Variants in MVB12B observed in about 807,000 individuals in gnomAD.
MVB12B encodes multivesicular body subunit 12B.
Under a neutral mutation model 41.6 loss-of-function variants are expected in MVB12B, and 16 were observed. That is an observed-to-expected ratio of 0.38 (90% CI 0.26 to 0.58). The LOEUF is 0.58. Among genes scored for constraint, MVB12B ranks in the 20% least tolerant of loss-of-function variants. The probability of loss-of-function intolerance (pLI) is 0.62; values close to 1 mark genes in which losing one functional copy is unlikely to be tolerated. For missense variants in MVB12B, 274 were observed against 380.2 expected (o/e 0.72, Z 2.32); for synonymous variants, 133 against 139.7 (o/e 0.95, Z 0.34).
At chr9:126,440,934 T>C (rs1324906481) in intron 7 of MVB12B, among the ~76,000 whole-genome samples, 1 of 152,256 alleles carries the variant, frequency 6.6e-6, no homozygotes, top group East Asian at 1.9e-4. Context: ...AATGGTGTGC[T>C]GATTAGCATA....
rs143560543 is a variant in MVB12B, at chr9:126,433,664, C to T, written c.757+11716C>T. 4.0e-3 allele frequency among the ~76,000 whole-genome samples: 605 copies of T among 152,138 alleles called. 2 individuals are homozygous for T. Among genetic ancestry groups the T allele is most frequent in the African/African-American group, 0.014 (584 of 41,474 alleles). ...AAGCTTCATTCTCTAGATTGGGCCT[C>T]CTAAGAGCCAACTTCTCCTAAACCC... On this transcript the variant is annotated intron_variant, in intron 7 of 9. Coordinates refer to ENST00000361171, the MANE Select transcript of MVB12B (RefSeq NM_033446.3).
In MVB12B at chr9:126,480,356, C is replaced by T. The variant is rs1160974045; in HGVS notation, c.758-1013C>T. Among the ~76,000 whole-genome samples the T allele has an allele frequency of 2.0e-5, 3 of 152,194 alleles. No homozygotes were observed. The highest frequency in any genetic ancestry group is 4.4e-5 in the Non-Finnish European group (3 of 68,032). Reference sequence around the variant, plus strand: ...GCTGCCACGTTGGCTCTGTGAATGCCGGCATCACGTCTCGTCCAGTGTGAC... The same window carrying T: ...GCTGCCACGTTGGCTCTGTGAATGCTGGCATCACGTCTCGTCCAGTGTGAC... On this transcript the variant is annotated intron_variant, in intron 7 of 9. Coordinates refer to ENST00000361171, the MANE Select transcript of MVB12B (RefSeq NM_033446.3). The surrounding 1 kb of genome is among the most constrained non-coding windows in gnomAD (Gnocchi z 4.9).
chr9:126,503,328 C>A lies in MVB12B; in HGVS notation c.*65C>A, dbSNP rs1183149120. ...GACTACTGACGGCAGGGGCTGCTGC[C>A]CCCGCCTCCTCCTGCCGCCTCCGCC... On this transcript the variant is annotated 3_prime_UTR_variant, in exon 10 of 10. Transcript: ENST00000361171. 2.9e-6 allele frequency: 4 copies of A among 1,358,250 alleles called. No homozygotes were observed. In the South Asian group the frequency reaches 3.8e-5, roughly 13 times the overall value. The allele number at this position is 1,358,250 out of a possible 1,614,324, so 84.1% of individuals were successfully genotyped here. A position where few individuals can be genotyped will look rare whatever the true frequency, so the allele number is the denominator to read the frequency against.
chr9:126,476,327 G>GC (rs949113276), intron 7 of MVB12B, among the ~76,000 whole-genome samples: 2 of 152,184 alleles, frequency 1.3e-5, no homozygotes, highest in African/African-American at 4.8e-5. Flanking sequence ...TCCCCAGGGT[G>GC]CCCCAGAAGG....
chr9:126,381,736 GT>G (rs558687754), intron 3 of MVB12B, among the ~76,000 whole-genome samples: 1 of 150,000 alleles, frequency 6.7e-6, no homozygotes, highest in Non-Finnish European at 1.5e-5. Flanking sequence ...ACCTACTAAG[GT>G]TTTTTTTTTA....
intron 7 of MVB12B, among the ~76,000 whole-genome samples, chr9:126,479,610 T>C (rs947219727): frequency 6.6e-6 from 1 of 152,210 alleles, no homozygotes; most frequent in Non-Finnish European, 1.5e-5. Context: ...TCGGGACTTT[T>C]GTCCCATCTC....
At chr9:126,471,488 G>C (rs1250810734) in intron 7 of MVB12B, among the ~76,000 whole-genome samples, 3 of 152,122 alleles carry the variant, frequency 2.0e-5, no homozygotes, top group African/African-American at 7.2e-5. Flanking sequence ...AATTACTTTG[G>C]GGATCTAGAA....
intron 6 of MVB12B, among the ~76,000 whole-genome samples, chr9:126,401,529 CT>C (rs34940439): frequency 3.9e-5 from 6 of 152,256 alleles, no homozygotes; most frequent in African/African-American, 1.4e-4. Flanking sequence ...TCAGTCACAA[CT>C]TTTGCATGTC....
intron 3 of MVB12B, among the ~76,000 whole-genome samples, chr9:126,382,740 C>T (rs1830670595): frequency 2.0e-5 from 3 of 152,150 alleles, no homozygotes; most frequent in African/African-American, 7.2e-5. Context: ...CATTTCCCCC[C>T]AGAGACTATG....
Position 126,395,005 on chromosome 9 carries a change from TG to T in MVB12B, c.540-567del, listed in dbSNP as rs938240106. Among the ~76,000 whole-genome samples, 23 of 152,242 alleles carry T rather than the reference TG, an allele frequency of 1.5e-4. No homozygotes were observed. The highest frequency in any genetic ancestry group is 6.2e-4 in the South Asian group (3 of 4,822). On this transcript the variant is annotated intron_variant, in intron 5 of 9. Coordinates refer to ENST00000361171, the MANE Select transcript of MVB12B (RefSeq NM_033446.3). This position sits in a 1 kb window ranked among gnomAD's most constrained non-coding sequence, Gnocchi z 4.9. Reference sequence around the variant, plus strand: ...GTCACAGGAGAGCTTATGCGGCGTCTGGGAGGCCCCTTGGTGTCCACTCCTA... The same window carrying T: ...GTCACAGGAGAGCTTATGCGGCGTCTGGAGGCCCCTTGGTGTCCACTCCTA...
intron 6 of MVB12B, among the ~76,000 whole-genome samples, chr9:126,414,634 T>C (rs1399315066): frequency 6.6e-6 from 1 of 152,110 alleles, no homozygotes; most frequent in South Asian, 2.1e-4. Context: ...CTATCCTAAG[T>C]AGAGACAGTT....
At chr9:126,331,081 C>T (rs1158237127) in intron 1 of MVB12B, among the ~76,000 whole-genome samples, 2 of 152,146 alleles carry the variant, frequency 1.3e-5, no homozygotes, top group African/African-American at 4.8e-5. Context: ...GTCTACAATT[C>T]TCTTTGAGAC....
chr9:126,464,574 A>G (rs533341302), intron 7 of MVB12B, among the ~76,000 whole-genome samples: 1 of 152,186 alleles, frequency 6.6e-6, no homozygotes, highest in Non-Finnish European at 1.5e-5. Flanking sequence ...TGACGTGGGA[A>G]TATTTGTCTT....
chr9:126,353,740 G>T (rs930511006), intron 2 of MVB12B, among the ~76,000 whole-genome samples: 1 of 152,068 alleles, frequency 6.6e-6, no homozygotes, highest in Non-Finnish European at 1.5e-5. Context: ...TCTTCTACTG[G>T]TATGTTTCCC....
chr9:126,365,043 C>T (rs1042539793), intron 2 of MVB12B, among the ~76,000 whole-genome samples: 2 of 146,076 alleles, frequency 1.4e-5, no homozygotes, highest in Middle Eastern at 4.1e-3. Flanking sequence ...TGAGCCACCG[C>T]GCCTGGCCTG....
chr9:126,489,227 C>T (rs995368160), intron 9 of MVB12B, among the ~76,000 whole-genome samples: 2 of 152,242 alleles, frequency 1.3e-5, no homozygotes, highest in Non-Finnish European at 2.9e-5. Context: ...CAGGACACAG[C>T]CTCCCAGTGT....
intron 8 of MVB12B, among the ~76,000 whole-genome samples, chr9:126,482,921 G>A (rs1032212965): frequency 6.6e-6 from 1 of 152,250 alleles, no homozygotes; most frequent in African/African-American, 2.4e-5. Context: ...TTTAATGGAC[G>A]AGGGAATGAG....
At chr9:126,487,112 A>G (rs959690817) in intron 9 of MVB12B, among the ~76,000 whole-genome samples, 2 of 152,160 alleles carry the variant, frequency 1.3e-5, no homozygotes, top group African/African-American at 4.8e-5. Context: ...CACACCCCGG[A>G]GTCAGTGCCT....
chr9:126,483,491 TC>T (rs1833567826), intron 8 of MVB12B, among the ~76,000 whole-genome samples: 1 of 152,176 alleles, frequency 6.6e-6, no homozygotes, highest in Non-Finnish European at 1.5e-5. Flanking sequence ...TACCCTGGAT[TC>T]CCCCTAAGGA....
Sources: allele counts gnomAD v4.1 joint callset (sites outside exome capture counted in the v4.1 genomes callset), GRCh38; gene constraint gnomAD v4.1.1; non-coding constraint Gnocchi (gnomAD v3.1); transcripts MANE v1.5; gene names NCBI Gene and HGNC (gene_info 2026-07-23, HGNC 2026-07-21).